Variants in OPCML observed in about 807,000 individuals in gnomAD.
The protein encoded by OPCML is opioid binding protein/cell adhesion molecule like, also known as opioid-binding protein/cell adhesion molecule.
A neutral mutation model predicts 37.8 loss-of-function variants in OPCML; 13 were observed. The ratio of observed to expected loss-of-function variants is 0.34; its 90% CI spans 0.22 to 0.55. OPCML has a LOEUF of 0.55. OPCML is among the 20% of genes least tolerant of loss of function. The pLI is 0.91. For synonymous variants in OPCML, 176 were observed against 168.8 expected, an observed-to-expected ratio of 1.04 and a Z score of -0.33; for missense variants, 341 against 435.6, an observed-to-expected ratio of 0.78 and a Z score of 1.93.
At chr11:133,145,655 G>A (rs2137177076) in intron 1 of OPCML, among the ~76,000 whole-genome samples, 1 of 152,350 alleles carries the variant, frequency 6.6e-6, no homozygotes, top group Non-Finnish European at 1.5e-5. Context: ...CCTTACGGCA[G>A]TACATAAGGC....
intron 2 of OPCML, among the ~76,000 whole-genome samples, chr11:132,683,187 G>T (rs1174534925): frequency 1.3e-5 from 2 of 152,158 alleles, no homozygotes; most frequent in African/African-American, 4.8e-5. Context: ...AGTTGAGGCT[G>T]GAAGAGTTGG....
At chr11:132,745,610 A>C (rs1945600817) in intron 2 of OPCML, among the ~76,000 whole-genome samples, 1 of 151,170 alleles carries the variant, frequency 6.6e-6, no homozygotes. Flanking sequence ...GAAAGAAAAA[A>C]AAAGGACAAT....
intron 1 of OPCML, among the ~76,000 whole-genome samples, chr11:133,405,031 C>A (rs144333489): frequency 6.6e-6 from 1 of 152,172 alleles, no homozygotes; most frequent in Non-Finnish European, 1.5e-5. Context: ...TGAGATCTTC[C>A]GTTTCTTTTG....
intron 1 of OPCML, among the ~76,000 whole-genome samples, chr11:132,945,985 T>C (rs1281222069): frequency 6.6e-6 from 1 of 152,214 alleles, no homozygotes; most frequent in Admixed American, 6.5e-5. Flanking sequence ...GGTTTCACCG[T>C]GTTAGTCAGG....
chr11:133,015,895 C>A (rs957469533), intron 1 of OPCML, among the ~76,000 whole-genome samples: 1 of 152,120 alleles, frequency 6.6e-6, no homozygotes, highest in African/African-American at 2.4e-5. Flanking sequence ...AAGACCCAGC[C>A]CACCCATCAC....
chr11:132,591,538 C>G (rs2096484453), intron 3 of OPCML, among the ~76,000 whole-genome samples: 1 of 152,160 alleles, frequency 6.6e-6, no homozygotes, highest in African/African-American at 2.4e-5. Context: ...ATGATCTAAT[C>G]ACAGGATCAG....
chr11:132,539,360 T>A (rs1025639344), intron 3 of OPCML, among the ~76,000 whole-genome samples: 1 of 152,152 alleles, frequency 6.6e-6, no homozygotes, highest in Non-Finnish European at 1.5e-5. Context: ...TGAGCTTCAG[T>A]GACTGTGGAT....
At chr11:132,825,700 C>G (rs1005959915) in intron 2 of OPCML, among the ~76,000 whole-genome samples, 14 of 152,220 alleles carry the variant, frequency 9.2e-5, no homozygotes, top group South Asian at 2.1e-4. Context: ...GTGAATGACT[C>G]TTAGCCCTTT....
intron 4 of OPCML, among the ~76,000 whole-genome samples, chr11:132,460,521 A>G (rs2096097704): frequency 6.6e-6 from 1 of 152,230 alleles, no homozygotes; most frequent in South Asian, 2.1e-4. Context: ...GACTGAAGTC[A>G]ACAGGGCAGG....
intron 1 of OPCML, among the ~76,000 whole-genome samples, chr11:133,471,785 G>T (rs1947122179): frequency 6.6e-6 from 1 of 152,188 alleles, no homozygotes; most frequent in South Asian, 2.1e-4. Flanking sequence ...TCAAAACATG[G>T]ATATGCTATA....
intron 4 of OPCML, among the ~76,000 whole-genome samples, chr11:132,447,258 T>G (rs781574367): frequency 6.6e-6 from 1 of 152,150 alleles, no homozygotes; most frequent in Non-Finnish European, 1.5e-5. Context: ...CATAGTTAGG[T>G]TTTCCTGGGA....
In OPCML at chr11:132,996,973, G is replaced by A. The variant is rs533677556; in HGVS notation, c.62-53963C>T. On this transcript the variant is annotated intron_variant, in intron 1 of 7. Coordinates refer to ENST00000524381, the MANE Select transcript of OPCML (RefSeq NM_001012393.5). ...CACTTTTCCTGGTGCGGCCTCTGCC[G>A]AGGCAGCTCCCCTTATCTGTCTGAT... is the stretch of plus-strand genomic sequence containing the variant. Among the ~76,000 whole-genome samples the A allele has an allele frequency of 3.9e-5, 6 of 152,306 alleles. No homozygotes were observed. The South Asian group carries it at 6.2e-4, about 16-fold the overall frequency.
chr11:133,067,360 T>G (rs1200250584), intron 1 of OPCML: 4 of 152,216 alleles, frequency 2.6e-5, no homozygotes, highest in Non-Finnish European at 5.9e-5. Context: ...CTCTTCAATA[T>G]GAAAGCAGCC....
chr11:132,926,749 A>T (rs2136611840), intron 2 of OPCML, among the ~76,000 whole-genome samples: 1 of 152,316 alleles, frequency 6.6e-6, no homozygotes, highest in Non-Finnish European at 1.5e-5. Flanking sequence ...ACATAGACTT[A>T]AAACTTACCT....
chr11:133,134,843 A>C (rs1949661567), intron 1 of OPCML, among the ~76,000 whole-genome samples: 1 of 152,128 alleles, frequency 6.6e-6, no homozygotes, highest in Admixed American at 6.5e-5. Flanking sequence ...AGCAGGAAAC[A>C]CCAGTAAGGT....
At position 133,326,310 on chromosome 11, in the gene OPCML, T is replaced by C. The variant is rs547285138; in HGVS notation, c.61+205954A>G. ...GTGGGTGTGTGTGGGGGTGTGGGTA[T>C]GTATAAGTGTGTGGGGGGAGTGGGT... On this transcript the variant is annotated intron_variant, in intron 1 of 7. Transcript: ENST00000524381. Among the ~76,000 whole-genome samples the C allele has an allele frequency of 6.5e-3, 245 of 37,902 alleles. 4 individuals carry two copies. The highest frequency in any genetic ancestry group is 0.048 in the African/African-American group (236 of 4,950). The allele number at this position is 37,902 out of a possible 152,430, so 24.9% of individuals were successfully genotyped here.
intron 2 of OPCML, among the ~76,000 whole-genome samples, chr11:132,740,099 C>G (rs986205023): frequency 5.9e-5 from 9 of 152,030 alleles, no homozygotes; most frequent in African/African-American, 2.2e-4. Flanking sequence ...TCAGAGGGTA[C>G]AGAAAGAAAA....
At chr11:132,962,917 C>T (rs1044168969) in intron 1 of OPCML, among the ~76,000 whole-genome samples, 1 of 152,212 alleles carries the variant, frequency 6.6e-6, no homozygotes, top group African/African-American at 2.4e-5. Flanking sequence ...TGCCTTCCCC[C>T]AGTAGATAAG....
intron 3 of OPCML, among the ~76,000 whole-genome samples, chr11:132,631,987 G>A (rs1329805303): frequency 6.6e-6 from 1 of 152,012 alleles, no homozygotes; most frequent in Non-Finnish European, 1.5e-5. Flanking sequence ...TATAAGTTTT[G>A]TCCAGGTTTT....
Sources: allele counts gnomAD v4.1 joint callset (sites outside exome capture counted in the v4.1 genomes callset), GRCh38; gene constraint gnomAD v4.1.1; transcripts MANE v1.5; gene names NCBI Gene and HGNC (gene_info 2026-07-23, HGNC 2026-07-21).